The following GFPT1 variants were observed in gnomAD, a reference collection of about 807,000 sequenced individuals.
GFPT1 encodes glutamine--fructose-6-phosphate aminotransferase [isomerizing] 1.
Under a neutral mutation model 92.0 loss-of-function variants are expected in GFPT1, and 40 were observed. That is an observed-to-expected ratio of 0.43 (90% CI 0.34 to 0.57). GFPT1 has a LOEUF of 0.57. GFPT1 is among the 20% of genes least tolerant of loss of function. GFPT1 has a pLI of 0.02. For missense variants in GFPT1, 448 were observed against 869.1 expected (o/e 0.52, Z 6.09); for synonymous variants, 269 against 280.6 (o/e 0.96, Z 0.41).
At chr2:69,343,968 G>C (rs546069361) in intron 12 of GFPT1, among the ~76,000 whole-genome samples, 2 of 152,152 alleles carry the variant, frequency 1.3e-5, no homozygotes, top group South Asian at 2.1e-4. Flanking sequence ...CCTGTCTCCT[G>C]CTTACTCTGA....
intron 8 of GFPT1, 32 bp from the exon 9 acceptor site, chr2:69,354,344 C>A (rs1204809718): frequency 2.6e-6 from 4 of 1,537,896 alleles, no homozygotes; most frequent in Non-Finnish European, 3.6e-6. Flanking sequence ...AAATTCTAAT[C>A]ATCAGAGAAC....
chr2:69,356,608 GA>G (rs1230746680), intron 6 of GFPT1, 51 bp from the exon 7 acceptor site: 2 of 1,284,504 alleles, frequency 1.6e-6, no homozygotes, highest in Admixed American at 1.7e-5. Context: ...TATCAAGTCA[GA>G]AATGCCTAGA....
chr2:69,346,102 T>C, intron 11 of GFPT1, 103 bp from the exon 12 acceptor site: 1 of 735,596 alleles, frequency 1.4e-6, no homozygotes, highest in Non-Finnish European at 2.4e-6. Flanking sequence ...AAATAAAATA[T>C]AACAAAAGTT....
chr2:69,372,279 A>C (rs562638430), intron 2 of GFPT1, among the ~76,000 whole-genome samples: 2 of 151,780 alleles, frequency 1.3e-5, no homozygotes, highest in South Asian at 2.1e-4. Flanking sequence ...GGATCTAGAA[A>C]AGAATATTGG....
chr2:69,359,236 A>G (rs781135296), intron 5 of GFPT1, 32 bp downstream of exon 5: 3 of 1,199,000 alleles, frequency 2.5e-6, no homozygotes, highest in Non-Finnish European at 3.7e-6. Flanking sequence ...GTATTCTCAA[A>G]GACTGGGGTC....
intron 18 of GFPT1, among the ~76,000 whole-genome samples, 180 bp downstream of exon 18, chr2:69,328,091 T>A (rs1181726271): frequency 1.2e-4 from 9 of 75,602 alleles, no homozygotes; most frequent in South Asian, 5.5e-4. Flanking sequence ...AGAGACTCCA[T>A]CTCAAAAAAA....
At chr2:69,371,861 TAAAA>T (rs1289617660) in intron 2 of GFPT1, among the ~76,000 whole-genome samples, 1 of 149,704 alleles carries the variant, frequency 6.7e-6, no homozygotes, top group Non-Finnish European at 1.5e-5. Context: ...TAAAAATAAA[TAAAA>T]AATAAAAAGA....
chr2:69,362,814 A>ATT (rs1671508797), intron 4 of GFPT1, among the ~76,000 whole-genome samples: 1 of 152,182 alleles, frequency 6.6e-6, no homozygotes, highest in Non-Finnish European at 1.5e-5. Flanking sequence ...AATAATAAAA[A>ATT]TAAAAAAAAT....
chr2:69,339,299 C>T (rs1025436792), intron 13 of GFPT1, among the ~76,000 whole-genome samples: 17 of 152,064 alleles, frequency 1.1e-4, no homozygotes, highest in African/African-American at 3.4e-4. Context: ...AAAAGTACAA[C>T]GTATTCATAA....
At chr2:69,350,260 T>A in intron 9 of GFPT1, 77 bp from the exon 10 acceptor site, 1 of 949,216 alleles carries the variant, frequency 1.1e-6, no homozygotes, top group Non-Finnish European at 1.7e-6. Flanking sequence ...TAATATTCTA[T>A]AAAATCAAGA....
At position 69,345,968 on chromosome 2, in the gene GFPT1, T is replaced by A. The variant is rs772941507; in HGVS notation, c.1041A>T (p.Ile347=). 1.3e-4 allele frequency: 212 copies of A among 1,607,162 alleles called. No individual in the cohort carries two copies. The highest frequency in any genetic ancestry group is 1.8e-4 in the Non-Finnish European group (212 of 1,173,726). ...GNFSSFMQKE[I]FEQPESVVNT... ...TCACGACAGACTCTGGCTGCTCAAA[T>A]ATTTCCTTCTGCATAAATGAACTGA... Residue 347 remains isoleucine (I), a synonymous_variant, in exon 12 of 20, where the codon ATA becomes ATT. Coordinates refer to ENST00000357308, the MANE Select transcript of GFPT1 (RefSeq NM_001244710.2).
intron 3 of GFPT1, among the ~76,000 whole-genome samples, chr2:69,369,593 A>G (rs1671693671): frequency 6.6e-6 from 1 of 152,252 alleles, no homozygotes; most frequent in Admixed American, 6.5e-5. Context: ...GTGCAATGTC[A>G]AAATTGACTA....
intron 11 of GFPT1, among the ~76,000 whole-genome samples, chr2:69,346,295 G>C (rs531827425): frequency 6.6e-6 from 1 of 152,050 alleles, no homozygotes; most frequent in African/African-American, 2.4e-5. Context: ...CTGGAGTGGA[G>C]TGGCATGATG....
At position 69,342,125 on chromosome 2, in the gene GFPT1, A is replaced by G. The variant is rs1388618196; in HGVS notation, c.1203+27T>C. Reference sequence around the variant, plus strand: ...CTACAGATATTCTCTAATATTCAACATAATTAAAATTTTAAAAAGCACTTA... The same window carrying G: ...CTACAGATATTCTCTAATATTCAACGTAATTAAAATTTTAAAAAGCACTTA... On this transcript the variant is annotated intron_variant, in intron 13 of 19. Coordinates refer to ENST00000357308, the MANE Select transcript of GFPT1 (RefSeq NM_001244710.2). 3.2e-6 allele frequency: 4 copies of G among 1,236,636 alleles called. No individual in the cohort carries two copies. In the African/African-American group the frequency reaches 4.5e-5, roughly 14 times the overall value. The allele number at this position is 1,236,636 out of a possible 1,614,324, so 76.6% of individuals were successfully genotyped here.
intron 9 of GFPT1, among the ~76,000 whole-genome samples, chr2:69,353,319 T>C (rs2104645823): frequency 6.6e-6 from 1 of 152,256 alleles, no homozygotes; most frequent in East Asian, 1.9e-4. Flanking sequence ...GGAGGATCCC[T>C]TAAGCCCAAG....
At chr2:69,379,957 G>A (rs1671968169) in intron 1 of GFPT1, among the ~76,000 whole-genome samples, 4 of 151,916 alleles carry the variant, frequency 2.6e-5, no homozygotes, top group Non-Finnish European at 5.9e-5. Flanking sequence ...GGACTCAAGC[G>A]ATCCTCTTGT....
At chr2:69,374,325 T>TC (rs1671821877) in intron 1 of GFPT1, among the ~76,000 whole-genome samples, 1 of 151,444 alleles carries the variant, frequency 6.6e-6, no homozygotes, top group African/African-American at 2.4e-5. Context: ...TTTTCTTTTT[T>TC]TTTTTTGAGA....
chr2:69,327,251 C>T (rs1459337704), intron 18 of GFPT1, among the ~76,000 whole-genome samples, 176 bp from the exon 19 acceptor site: 3 of 152,090 alleles, frequency 2.0e-5, no homozygotes, highest in Non-Finnish European at 2.9e-5. Context: ...GAAACAGAAG[C>T]GTTATGGGAT....
At chr2:69,350,049 A>C in intron 10 of GFPT1, 29 bp downstream of exon 10, 1 of 1,435,292 alleles carries the variant, frequency 7.0e-7, no homozygotes, top group Admixed American at 1.7e-5. Context: ...TTTACTAAAA[A>C]TCTCTTTGAA....
Sources: allele counts gnomAD v4.1 joint callset (sites outside exome capture counted in the v4.1 genomes callset), GRCh38; gene constraint gnomAD v4.1.1; transcripts MANE v1.5; gene names NCBI Gene and HGNC (gene_info 2026-07-23, HGNC 2026-07-21).